The following KCNIP4 variants were observed in gnomAD, a reference collection of about 807,000 sequenced individuals.
The protein encoded by KCNIP4 is potassium voltage-gated channel interacting protein 4, also known as Kv channel-interacting protein 4.
A neutral mutation model predicts 34.0 loss-of-function variants in KCNIP4; 12 were observed. That is an observed-to-expected ratio of 0.35 (90% CI 0.23 to 0.57). The LOEUF (loss-of-function observed/expected upper bound fraction) is 0.57, where lower values mean the gene tolerates loss of function less well. KCNIP4 is among the 20% of genes least tolerant of loss of function. The probability of loss-of-function intolerance (pLI) is 0.83; values close to 1 mark genes in which losing one functional copy is unlikely to be tolerated. For missense variants in KCNIP4, 238 were observed against 311.7 expected (o/e 0.76, Z 1.78); for synonymous variants, 124 against 102.2 (o/e 1.21, Z -1.29).
chr4:21,126,705 A>T (rs906079096), intron 1 of KCNIP4, among the ~76,000 whole-genome samples: 1 of 151,636 alleles, frequency 6.6e-6, no homozygotes, highest in Non-Finnish European at 1.5e-5. Flanking sequence ...TCTGGAAGGG[A>T]TCAAGTTCAC....
intron 1 of KCNIP4, among the ~76,000 whole-genome samples, chr4:21,618,630 C>CTTTTTTTTTTTTTTTTTTTTT (rs58967707): frequency 6.1e-5 from 5 of 81,788 alleles, no homozygotes; most frequent in South Asian, 8.7e-4. Context: ...TTTTCTTTTT[C>CTTTTTTTTTTTTTTTTTTTTT]TTTTTTTTTT....
intron 1 of KCNIP4, among the ~76,000 whole-genome samples, chr4:21,669,849 C>G (rs1749338390): frequency 6.6e-6 from 1 of 152,062 alleles, no homozygotes; most frequent in South Asian, 2.1e-4. Flanking sequence ...AATATATGTC[C>G]CCTCCTCTGT....
intron 1 of KCNIP4, among the ~76,000 whole-genome samples, chr4:20,937,370 G>A (rs989773817): frequency 2.0e-5 from 3 of 151,280 alleles, no homozygotes; most frequent in African/African-American, 4.9e-5. Flanking sequence ...AAATAGCTGG[G>A]ACTATAGGCG....
At chr4:20,850,718 G>A (rs1452822856) in intron 2 of KCNIP4, 51 bp from the exon 3 acceptor site, 5 of 1,580,484 alleles carry the variant, frequency 3.2e-6, no homozygotes, top group Non-Finnish European at 4.3e-6. Flanking sequence ...GCTCACCGAT[G>A]CTTACACAGA....
chr4:20,905,509 C>CTTGTTTTTTTTTTTTTTTTTTTTTT, intron 1 of KCNIP4, among the ~76,000 whole-genome samples: 1 of 72,804 alleles, frequency 1.4e-5, no homozygotes, highest in Non-Finnish European at 2.7e-5. Context: ...CGTTTTCTTT[C>CTTGTTTTTTTTTTTTTTTTTTTTTT]TTTTTTTTTT....
In KCNIP4 at chr4:20,730,108, T is replaced by A; in HGVS notation, c.727A>T (p.Met243Leu). The change falls in exon 9 of 9, where the codon ATG becomes TTG. Residue 243 changes from methionine to leucine, a missense_variant. Transcript: ENST00000382152. The part of the protein sequence containing the change: ...CQKDENIMRS[M>L]QLFENVI ...TAAATCACATTTTCAAAGAGCTGCA[T>A]GGAGCGCATTATGTTTTCATCCTGT... The A allele has an allele frequency of 1.2e-6, 2 of 1,609,234 alleles. No homozygotes were observed. The highest frequency in any genetic ancestry group is 1.3e-5 in the African/African-American group (1 of 74,842).
At chr4:20,936,072 T>A in intron 1 of KCNIP4, among the ~76,000 whole-genome samples, 1 of 151,192 alleles carries the variant, frequency 6.6e-6, no homozygotes, top group East Asian at 1.9e-4. Context: ...CTTAATCATA[T>A]GAAAGATACA....
chr4:21,348,979 T>C (rs1256424739), intron 1 of KCNIP4, among the ~76,000 whole-genome samples: 3 of 152,104 alleles, frequency 2.0e-5, no homozygotes, highest in African/African-American at 7.2e-5. Flanking sequence ...CCTGAGAGAA[T>C]TGGCTTTGTC....
chr4:21,394,679 G>T (rs1466023742), intron 1 of KCNIP4, among the ~76,000 whole-genome samples: 2 of 152,154 alleles, frequency 1.3e-5, no homozygotes, highest in Non-Finnish European at 2.9e-5. Flanking sequence ...TAGAAAGACA[G>T]TCCTACTCTC....
chr4:21,911,962 C>G (rs150556665), intron 1 of KCNIP4, among the ~76,000 whole-genome samples: 2,034 of 152,182 alleles, frequency 0.013, 42 homozygotes, highest in African/African-American at 0.046. Flanking sequence ...TTGCAAAGCA[C>G]TAACTCACCC....
At chr4:21,927,252 C>G (rs1177423307) in intron 1 of KCNIP4, among the ~76,000 whole-genome samples, 1 of 152,100 alleles carries the variant, frequency 6.6e-6, no homozygotes, top group African/African-American at 2.4e-5. Context: ...GATAATTGTC[C>G]CATATCAAGG....
At chr4:20,842,404 G>A (rs1166292299) in intron 3 of KCNIP4, among the ~76,000 whole-genome samples, 2 of 151,990 alleles carry the variant, frequency 1.3e-5, no homozygotes, top group African/African-American at 4.8e-5. Context: ...ATAGGGATGA[G>A]TGAGGGGTGA....
chr4:21,344,537 TC>T (rs1281898970), intron 1 of KCNIP4, among the ~76,000 whole-genome samples: 42 of 151,980 alleles, frequency 2.8e-4, no homozygotes, highest in Admixed American at 1.4e-3. Context: ...CAGCCACCAA[TC>T]CAAAGAAAAA....
chr4:21,618,443 A>C (rs1744749829), intron 1 of KCNIP4, among the ~76,000 whole-genome samples: 1 of 152,134 alleles, frequency 6.6e-6, no homozygotes, highest in South Asian at 2.1e-4. Context: ...CAGATAAGCA[A>C]AATAGACAAA....
At chr4:20,873,530 A>G (rs1002822352) in intron 2 of KCNIP4, among the ~76,000 whole-genome samples, 1 of 152,134 alleles carries the variant, frequency 6.6e-6, no homozygotes, top group Non-Finnish European at 1.5e-5. Context: ...TCATTGATTC[A>G]GAAGCCAATA....
rs142421254 is a variant in KCNIP4 at position 21,277,049 on chromosome 4, A to C, written c.62-394340T>G. On this transcript the variant is annotated intron_variant, in intron 1 of 8. Transcript: ENST00000382152. ...ACTCTGTCAGGACTTCAGCCTTTTT[A>C]TTGAGAGGAAAAATATACATATAGT... is the stretch of plus-strand genomic sequence containing the variant. Among the ~76,000 whole-genome samples the C allele has an allele frequency of 3.4e-3, 521 of 152,288 alleles. 3 individuals are homozygous for C. Among genetic ancestry groups the C allele is most frequent in the African/African-American group, 0.012 (481 of 41,558 alleles).
At chr4:21,009,280 A>C (rs1306552670) in intron 1 of KCNIP4, among the ~76,000 whole-genome samples, 1 of 152,220 alleles carries the variant, frequency 6.6e-6, no homozygotes, top group African/African-American at 2.4e-5. Context: ...TACTTATCCA[A>C]TGAATAAATG....
At chr4:21,926,720 C>G (rs575528674) in intron 1 of KCNIP4, among the ~76,000 whole-genome samples, 2 of 152,286 alleles carry the variant, frequency 1.3e-5, no homozygotes, top group Admixed American at 6.5e-5. Flanking sequence ...CTTCAAACTA[C>G]TACCTCTTAG....
intron 2 of KCNIP4, among the ~76,000 whole-genome samples, chr4:20,872,077 A>G (rs1723532703): frequency 6.6e-6 from 1 of 152,120 alleles, no homozygotes; most frequent in African/African-American, 2.4e-5. Flanking sequence ...GATGATTTTG[A>G]CACTGATCCT....
Sources: allele counts gnomAD v4.1 joint callset (sites outside exome capture counted in the v4.1 genomes callset), GRCh38; gene constraint gnomAD v4.1.1; transcripts MANE v1.5; gene names NCBI Gene and HGNC (gene_info 2026-07-23, HGNC 2026-07-21).